The following GCSAM variants were observed in gnomAD, a reference collection of about 807,000 sequenced individuals.
GCSAM encodes the protein germinal center-associated signaling and motility protein.
A neutral mutation model predicts 17.6 loss-of-function variants in GCSAM; 8 were observed. The ratio of observed to expected loss-of-function variants is 0.46; its 90% CI spans 0.27 to 0.82. GCSAM has a LOEUF of 0.82. Ranked by LOEUF, GCSAM falls within the 40% of genes least tolerant of loss-of-function variation. The pLI is 0.15. For synonymous variants in GCSAM, 68 were observed against 69.0 expected (o/e 0.98, Z 0.07); for missense variants, 192 against 213.5 (o/e 0.90, Z 0.63).
intron 1 of GCSAM, 143 bp downstream of exon 1, chr3:112,132,949 C>CA: frequency 1.3e-6 from 1 of 783,808 alleles, no homozygotes; most frequent in Non-Finnish European, 2.1e-6. Context: ...ACAGAGTAGG[C>CA]ACTGAAGGCT....
At chr3:112,126,388 T>C (rs1270333939) in intron 4 of GCSAM, among the ~76,000 whole-genome samples, 2 of 152,196 alleles carry the variant, frequency 1.3e-5, no homozygotes, top group Non-Finnish European at 2.9e-5. Context: ...TTTTTAGGTG[T>C]GATACAATTC....
intron 1 of GCSAM, among the ~76,000 whole-genome samples, chr3:112,132,410 T>C (rs545049644): frequency 2.4e-4 from 37 of 152,188 alleles, no homozygotes; most frequent in Non-Finnish European, 5.0e-4. Flanking sequence ...GGCACTATTT[T>C]GGTGGCACGG....
chr3:112,128,690 G>T, intron 2 of GCSAM: 1 of 162,598 alleles, frequency 6.2e-6, no homozygotes, highest in Admixed American at 5.7e-5. Flanking sequence ...TGGTGCAGGA[G>T]GTCAGCAAAT....
chr3:112,130,975 G>A (rs2074437926), intron 1 of GCSAM: 1 of 162,982 alleles, frequency 6.1e-6, no homozygotes, highest in Admixed American at 5.8e-5. Context: ...AGAAGGAGAA[G>A]AAAAGGATTG....
At chr3:112,127,366 A>G (rs565111422) in intron 3 of GCSAM, among the ~76,000 whole-genome samples, 2 of 152,164 alleles carry the variant, frequency 1.3e-5, no homozygotes, top group African/African-American at 4.8e-5. Context: ...CTATCATGTG[A>G]GTGAAGGAGC....
At chr3:112,130,592 T>C in intron 1 of GCSAM, 79 bp from the exon 2 acceptor site, 1 of 1,243,798 alleles carries the variant, frequency 8.0e-7, no homozygotes, top group East Asian at 2.3e-5. Context: ...TTTCCGACTT[T>C]CCTCATTTCT....
chr3:112,126,533 A>G (rs1255342950), intron 4 of GCSAM, among the ~76,000 whole-genome samples: 1 of 152,186 alleles, frequency 6.6e-6, no homozygotes, highest in Non-Finnish European at 1.5e-5. Flanking sequence ...TTTTCTGCAC[A>G]GGAACCTGGG....
In GCSAM at chr3:112,123,724, T is replaced by G; in HGVS notation, c.268A>C (p.Asn90His). ...GGCCTTGTACAGAGAACCCGATGAT[T>G]GATGAGGGTATAGCACAGCTCCTCT... ...YSEELCYTLI[N>H]HRVLCTRPSG... Residue 90 changes from asparagine (N) to histidine (H), a missense_variant, in exon 6 of 6, where the codon AAT becomes CAT. Transcript: ENST00000308910. 1 of 1,613,960 alleles carries G rather than the reference T, an allele frequency of 6.2e-7. No individual in the cohort carries two copies. Among genetic ancestry groups the G allele is most frequent in the Non-Finnish European group, 8.5e-7 (1 of 1,179,828 alleles).
In GCSAM at chr3:112,123,585, G is replaced by A. The variant is rs761762386; in HGVS notation, c.407C>T (p.Thr136Ile). 2.5e-6 allele frequency: 4 copies of A among 1,613,964 alleles called. No individual in the cohort carries two copies. The African/African-American group carries it at 5.3e-5, about 22-fold the overall frequency. ...TEYSLLHMPS[T>I]DPRHARSPED... ...TGGGGATCGGGCATGCCTGGGGTCT[G>A]TAGAAGGCATATGTAGAAGTGAATA... The change falls in exon 6 of 6, where the codon ACA (threonine) becomes ATA (isoleucine). Residue 136 changes from threonine (T) to isoleucine (I), a missense_variant. Thr to Ile is a moderately conservative substitution (Grantham distance 89). Coordinates refer to ENST00000308910, the MANE Select transcript of GCSAM (RefSeq NM_152785.5).
At position 112,127,037 on chromosome 3, in the gene GCSAM, TAAAAG is replaced by T. The variant is rs1395517876; in HGVS notation, c.144-9_144-5del. 1.3e-6 allele frequency: 2 copies of T among 1,571,944 alleles called. No homozygotes were observed. The highest frequency in any genetic ancestry group is 1.7e-6 in the Non-Finnish European group (2 of 1,145,294). ...TTCAAAAATGAGTATTTTTTTCCTG[TAAAAG>T]AAAAGCAAAGCAAATTGTTTTAATA... On this transcript the variant is annotated splice_region_variant and splice_polypyrimidine_tract_variant and intron_variant, in intron 3 of 5. Transcript: ENST00000308910.
At chr3:112,127,824 C>T (rs147212518) in intron 3 of GCSAM, among the ~76,000 whole-genome samples, 193 bp downstream of exon 3, 123 of 152,232 alleles carry the variant, frequency 8.1e-4, no homozygotes, top group African/African-American at 2.8e-3. Context: ...GGAGAGCATG[C>T]GACCCATGAG....
Position 112,123,115 on chromosome 3 carries a change from C to T in GCSAM, c.*340G>A, listed in dbSNP as rs1406900705. 7.0e-6 allele frequency: 2 copies of T among 287,460 alleles called. No individual in the cohort carries two copies. Among genetic ancestry groups the T allele is most frequent in the Non-Finnish European group, 1.3e-5 (2 of 152,030 alleles). 17.8% of individuals were successfully genotyped at this position (287,460 alleles called of 1,614,324 possible). A position where few individuals can be genotyped will look rare whatever the true frequency, so the allele number is the denominator to read the frequency against. ...ACTTTAGAGAATGATCATGGGAACA[C>T]TTTATAAGAAGATCCCAGACAGAAG... On this transcript the variant is annotated 3_prime_UTR_variant, in exon 6 of 6. Coordinates refer to ENST00000308910, the MANE Select transcript of GCSAM (RefSeq NM_152785.5).
intron 1 of GCSAM, 179 bp downstream of exon 1, chr3:112,132,913 A>G (rs557702051): frequency 2.5e-5 from 15 of 597,202 alleles, no homozygotes; most frequent in East Asian, 1.6e-4. Flanking sequence ...GGCAAAACCT[A>G]TGGGAAATTT....
chr3:112,131,897 C>T (rs977799307), intron 1 of GCSAM, among the ~76,000 whole-genome samples: 6 of 152,088 alleles, frequency 3.9e-5, no homozygotes, highest in African/African-American at 1.4e-4. Flanking sequence ...GTCCAAATAG[C>T]ATAAGATGTG....
At chr3:112,129,775 G>C (rs964654701) in intron 2 of GCSAM, 4 of 152,182 alleles carry the variant, frequency 2.6e-5, no homozygotes, top group African/African-American at 7.2e-5. Context: ...TAACAACAGT[G>C]CTTGTTTTTT....
Position 112,125,400 on chromosome 3 carries a change from C to T in GCSAM, c.191-146G>A, listed in dbSNP as rs1022944315. The T allele has an allele frequency of 1.6e-5, 10 of 643,950 alleles. No homozygotes were observed. In the African/African-American group the frequency reaches 1.6e-4, roughly 11 times the overall value. The allele number at this position is 643,950 out of a possible 1,614,324, so 39.9% of individuals were successfully genotyped here. A position where few individuals can be genotyped will look rare whatever the true frequency, so the allele number is the denominator to read the frequency against. On this transcript the variant is annotated intron_variant, in intron 4 of 5. Coordinates refer to ENST00000308910, the MANE Select transcript of GCSAM (RefSeq NM_152785.5). The stretch of plus-strand genomic sequence containing the variant: ...GGCTATTCTGATCTACAGCACATCC[C>T]TGGGGAGTGACAGGACATCTAAACA...
intron 2 of GCSAM, chr3:112,128,404 T>C (rs1371102473): frequency 2.4e-6 from 1 of 415,874 alleles, no homozygotes; most frequent in African/African-American, 2.0e-5. Context: ...TATGGAAATT[T>C]TACAAATCAT....
intron 4 of GCSAM, 68 bp downstream of exon 4, chr3:112,126,917 CAT>C (rs2074333613): frequency 1.9e-6 from 2 of 1,056,576 alleles, no homozygotes; most frequent in Admixed American, 3.6e-5. Flanking sequence ...GCTTTGGGAA[CAT>C]AGAGAAGAAG....
In GCSAM at chr3:112,132,725, G is replaced by A. The variant is rs996940195; in HGVS notation, c.29+367C>T. The A allele has an allele frequency of 8.0e-5, 76 of 949,400 alleles. No homozygotes were observed. In the African/African-American group the frequency reaches 1.2e-3, roughly 15 times the overall value. 58.8% of individuals were successfully genotyped at this position (949,400 alleles called of 1,614,324 possible). A position where few individuals can be genotyped will look rare whatever the true frequency, so the allele number is the denominator to read the frequency against. ...AAACTTAAAATAGTGGCTGAAAGAG[G>A]GTGGTGATTTTGACCTCCTTGTGGA... On this transcript the variant is annotated intron_variant, in intron 1 of 5. Coordinates refer to ENST00000308910, the MANE Select transcript of GCSAM (RefSeq NM_152785.5).
Sources: allele counts gnomAD v4.1 joint callset (sites outside exome capture counted in the v4.1 genomes callset), GRCh38; gene constraint gnomAD v4.1.1; transcripts MANE v1.5; gene names NCBI Gene and HGNC (gene_info 2026-07-23, HGNC 2026-07-21).